Variants in UBE2Q2 observed in about 807,000 individuals in gnomAD.
UBE2Q2 encodes ubiquitin-conjugating enzyme E2 Q2.
In UBE2Q2, 54 loss-of-function variants were observed where a neutral mutation model predicts 59.9. The ratio of observed to expected loss-of-function variants is 0.90; its 90% CI spans 0.72 to 1.13. The LOEUF (loss-of-function observed/expected upper bound fraction) is 1.13, where lower values mean the gene tolerates loss of function less well. Ranked by LOEUF, UBE2Q2 falls within the 50% of genes most tolerant of loss-of-function variation. The pLI, the probability that UBE2Q2 is intolerant of heterozygous loss-of-function variation, is 0.00. For missense variants in UBE2Q2, 433 were observed against 441.9 expected, an observed-to-expected ratio of 0.98 and a Z score of 0.18; for synonymous variants, 165 against 155.2, an observed-to-expected ratio of 1.06 and a Z score of -0.47.
rs532432862 is a variant in UBE2Q2 at position 75,854,366 on chromosome 15, T to C, written c.181-20T>C. The C allele has an allele frequency of 5.7e-6, 9 of 1,581,716 alleles. No homozygotes were observed. Among genetic ancestry groups the C allele is most frequent in the East Asian group, 2.2e-5 (1 of 44,550 alleles). On this transcript the variant is annotated intron_variant, in intron 1 of 12. Transcript: ENST00000267938. ...TTAGTCTGTATGTAAATGTTTAACATGTGTCTCTGTGTTAAACAGGAATCC... is the reference window on the plus strand; with the variant it reads ...TTAGTCTGTATGTAAATGTTTAACACGTGTCTCTGTGTTAAACAGGAATCC...
At chr15:75,845,691 G>A (rs1896308835) in intron 1 of UBE2Q2, among the ~76,000 whole-genome samples, 1 of 152,134 alleles carries the variant, frequency 6.6e-6, no homozygotes, top group African/African-American at 2.4e-5. Context: ...TTGCTGTGCC[G>A]GCATTTAGTG....
At chr15:75,875,932 G>T (rs1184002896) in intron 5 of UBE2Q2, among the ~76,000 whole-genome samples, 1 of 151,862 alleles carries the variant, frequency 6.6e-6, no homozygotes, top group African/African-American at 2.4e-5. Flanking sequence ...TGGGCGTGGT[G>T]GTGCGCACCT....
At chr15:75,845,138 A>G (rs1372004204) in intron 1 of UBE2Q2, among the ~76,000 whole-genome samples, 1 of 152,162 alleles carries the variant, frequency 6.6e-6, no homozygotes, top group Non-Finnish European at 1.5e-5. Flanking sequence ...TGGTATCATC[A>G]GGAAAGCCAA....
At chr15:75,847,546 A>T (rs1361567436) in intron 1 of UBE2Q2, among the ~76,000 whole-genome samples, 1 of 152,206 alleles carries the variant, frequency 6.6e-6, no homozygotes, top group Non-Finnish European at 1.5e-5. Flanking sequence ...AAGCCATGAT[A>T]TGAAAGATTG....
intron 3 of UBE2Q2, among the ~76,000 whole-genome samples, chr15:75,862,021 C>G (rs1361299059): frequency 1.3e-5 from 2 of 152,204 alleles, no homozygotes; most frequent in Non-Finnish European, 2.9e-5. Flanking sequence ...CATGTGGCTT[C>G]TCTTTCTCCA....
chr15:75,877,949 A>G lies in UBE2Q2; in HGVS notation c.674-12A>G, dbSNP rs377165471. 24 of 1,611,050 alleles carry G rather than the reference A, an allele frequency of 1.5e-5. No homozygotes were observed. Among genetic ancestry groups the G allele is most frequent in the East Asian group, 2.2e-5 (1 of 44,762 alleles). ...AAATGAAGAGTAGCTAACATGCTCTATATCTTAACAGGGATTTATTCAGTG... is the reference window on the plus strand; with the variant it reads ...AAATGAAGAGTAGCTAACATGCTCTGTATCTTAACAGGGATTTATTCAGTG... On this transcript the variant is annotated splice_polypyrimidine_tract_variant and intron_variant, in intron 6 of 12. Coordinates refer to ENST00000267938, the MANE Select transcript of UBE2Q2 (RefSeq NM_173469.4).
chr15:75,876,533 C>A (rs958524134), intron 6 of UBE2Q2, among the ~76,000 whole-genome samples: 2 of 152,116 alleles, frequency 1.3e-5, no homozygotes, highest in African/African-American at 4.8e-5. Flanking sequence ...TGAACTCTTA[C>A]ATGATTTTTA....
chr15:75,843,965 C>T (rs1896167808), intron 1 of UBE2Q2, 119 bp downstream of exon 1: 10 of 1,407,228 alleles, frequency 7.1e-6, no homozygotes, highest in Non-Finnish European at 7.3e-6. Context: ...CGGGGCAGGC[C>T]CGCCCCTTTC....
At chr15:75,879,532 A>G (rs1898279969) in intron 8 of UBE2Q2, among the ~76,000 whole-genome samples, 1 of 152,236 alleles carries the variant, frequency 6.6e-6, no homozygotes, top group Non-Finnish European at 1.5e-5. Context: ...CCTATTTTGT[A>G]CAATTCCCTT....
intron 5 of UBE2Q2, among the ~76,000 whole-genome samples, chr15:75,874,920 C>G (rs1250928495): frequency 1.3e-5 from 2 of 152,080 alleles, no homozygotes; most frequent in African/African-American, 2.4e-5. Flanking sequence ...TAAGTAGATG[C>G]CAAATGTTGA....
chr15:75,843,596 G>C lies in UBE2Q2; in HGVS notation c.-71G>C, dbSNP rs973453954. 1 of 1,391,784 alleles carries C rather than the reference G, an allele frequency of 7.2e-7. No individual in the cohort carries two copies. 86.2% of individuals were successfully genotyped at this position (1,391,784 alleles called of 1,614,324 possible). A position where few individuals can be genotyped will look rare whatever the true frequency, so the allele number is the denominator to read the frequency against. ...GCGGGGCGGTCGCGGCCGTGACGGC[G>C]GCTCCGGGCCCGGCTCCCCTTCCGC... On this transcript the variant is annotated 5_prime_UTR_variant, in exon 1 of 13. Coordinates refer to ENST00000267938, the MANE Select transcript of UBE2Q2 (RefSeq NM_173469.4).
At chr15:75,876,123 C>T in intron 5 of UBE2Q2, 64 bp from the exon 6 acceptor site, 1 of 1,390,648 alleles carries the variant, frequency 7.2e-7, no homozygotes. Context: ...TCTTTTAGAT[C>T]AGGTTGAAAT....
intron 1 of UBE2Q2, among the ~76,000 whole-genome samples, chr15:75,845,906 A>G (rs1394407240): frequency 6.6e-6 from 1 of 152,230 alleles, no homozygotes; most frequent in Non-Finnish European, 1.5e-5. Context: ...AGACACTTTC[A>G]GTACAAGGAG....
At chr15:75,874,022 T>A (rs1897935436) in intron 5 of UBE2Q2, among the ~76,000 whole-genome samples, 1 of 152,122 alleles carries the variant, frequency 6.6e-6, no homozygotes, top group Non-Finnish European at 1.5e-5. Flanking sequence ...TGCTGTAGAT[T>A]ACGTTTCTTA....
intron 8 of UBE2Q2, among the ~76,000 whole-genome samples, chr15:75,881,804 T>A (rs1258740053): frequency 1.3e-5 from 2 of 152,206 alleles, no homozygotes; most frequent in African/African-American, 4.8e-5. Context: ...TTGCTATATT[T>A]TTAAGGAAGT....
chr15:75,895,766 C>T (rs942448089), intron 11 of UBE2Q2, among the ~76,000 whole-genome samples: 1 of 152,042 alleles, frequency 6.6e-6, no homozygotes, highest in African/African-American at 2.4e-5. Flanking sequence ...CATCGAGGCA[C>T]TCTTACAGAT....
In UBE2Q2 at chr15:75,890,753, T is replaced by G. The variant is rs578058927; in HGVS notation, c.934-166T>G. The stretch of plus-strand genomic sequence containing the variant: ...GGCACTTAGAACATTGGTTTGTTGT[T>G]TTTTTTTGTGAGATTCTGGAAATGT... On this transcript the variant is annotated intron_variant, in intron 10 of 12. Transcript: ENST00000267938. Among the ~76,000 whole-genome samples, 2 of 152,240 alleles carry G rather than the reference T, an allele frequency of 1.3e-5. 1 individual carries two copies. Among genetic ancestry groups the G allele is most frequent in the South Asian group, 4.2e-4 (2 of 4,818 alleles).
chr15:75,863,328 C>G (rs1039306889), intron 3 of UBE2Q2, among the ~76,000 whole-genome samples: 1 of 152,124 alleles, frequency 6.6e-6, no homozygotes, highest in Non-Finnish European at 1.5e-5. Flanking sequence ...AACCCCATTC[C>G]TTTTTTGTAA....
At chr15:75,888,881 C>T (rs1898939665) in intron 9 of UBE2Q2, among the ~76,000 whole-genome samples, 1 of 152,098 alleles carries the variant, frequency 6.6e-6, no homozygotes, top group Non-Finnish European at 1.5e-5. Flanking sequence ...GAGTGGGGTA[C>T]CTTAAAGGAA....
Sources: gnomAD v4.1 joint callset for allele counts (sites outside exome capture counted in the v4.1 genomes callset) on GRCh38, gnomAD v4.1.1 for gene constraint, MANE v1.5 for transcripts, NCBI Gene and HGNC (gene_info 2026-07-23, HGNC 2026-07-21) for gene names.